The following TTK variants were observed in gnomAD, a reference collection of about 807,000 sequenced individuals.
TTK encodes the protein TTK protein kinase, also known as dual specificity protein kinase TTK.
Under a neutral mutation model 117.3 loss-of-function variants are expected in TTK, and 59 were observed. That is an observed-to-expected ratio of 0.50 (90% CI 0.41 to 0.62). The LOEUF (loss-of-function observed/expected upper bound fraction) is 0.62. Among genes scored for constraint, TTK ranks in the 20% least tolerant of loss-of-function variants. The pLI, the probability that TTK is intolerant of heterozygous loss-of-function variation, is 0.00. For missense variants in TTK, 921 were observed against 989.4 expected, an observed-to-expected ratio of 0.93 and a Z score of 0.93; for synonymous variants, 302 against 325.0, an observed-to-expected ratio of 0.93 and a Z score of 0.76.
intron 1 of TTK, 106 bp from the exon 2 acceptor site, chr6:80,005,736 G>A (rs1050787695): frequency 7.8e-7 from 1 of 1,275,400 alleles, no homozygotes; most frequent in Non-Finnish European, 1.1e-6. Flanking sequence ...ATTTAGATGT[G>A]TTCACAAAAC....
rs1766979220 is a variant in TTK at position 80,005,888 on chromosome 6, C to T, written c.45C>T (p.Ser15=). 6.2e-7 allele frequency: 1 copy of T among 1,612,504 alleles called. No homozygotes were observed. Among genetic ancestry groups the T allele is most frequent in the South Asian group, 1.1e-5 (1 of 90,788 alleles). The change falls in exon 2 of 22, where the codon TCC becomes TCT. Residue 15 remains serine (S), a synonymous_variant. Transcript: ENST00000369798. ...GTGGCAGAGAATTGACAATTGATTC[C>T]ATAATGAACAAAGTGAGAGACATTA... ...DLSGRELTID[S]IMNKVRDIKN...
At position 80,042,135 on chromosome 6, in the gene TTK, A is replaced by T. The variant is rs775882099; in HGVS notation, c.2507A>T (p.Tyr836Phe). 2 of 1,601,282 alleles carry T rather than the reference A, an allele frequency of 1.2e-6. No homozygotes were observed. Among genetic ancestry groups the T allele is most frequent in the South Asian group, 2.2e-5 (2 of 89,218 alleles). The change falls in exon 22 of 22, where the codon TAT becomes TTT. Residue 836 changes from tyrosine (Y) to phenylalanine (F), a missense_variant. Transcript: ENST00000369798. ...LKAAKTLYEH[Y>F]SGGESHNSSS... is the part of the protein sequence containing the mutation. ...TAATTTCAGACTTTATATGAACACT[A>T]TAGTGGTGGTGAAAGTCATAATTCT...
chr6:80,022,497 A>G (rs773583801), intron 11 of TTK, 25 bp downstream of exon 11: 4 of 1,604,610 alleles, frequency 2.5e-6, no homozygotes, highest in African/African-American at 2.7e-5. Context: ...AAAGTACAAT[A>G]TTGCTTTTTT....
Position 80,011,960 on chromosome 6 carries a change from T to C in TTK, c.876T>C (p.Val292=). The change falls in exon 8 of 22, where the codon GTT becomes GTC. Residue 292 remains valine (V), a synonymous_variant. Transcript: ENST00000369798. The part of the protein sequence containing the change: ...PDCDVKTDDS[V]VPCFMKRQTS... ...GTGATGTGAAGACAGATGATTCAGTTGTACCTTGTTTTATGAAAAGGTATG... is the reference window on the plus strand; with the variant it reads ...GTGATGTGAAGACAGATGATTCAGTCGTACCTTGTTTTATGAAAAGGTATG... 1 of 1,609,602 alleles carries C rather than the reference T, an allele frequency of 6.2e-7. No homozygotes were observed. The highest frequency in any genetic ancestry group is 8.5e-7 in the Non-Finnish European group (1 of 1,178,472).
At chr6:80,030,964 G>A (rs1382975194) in intron 13 of TTK, among the ~76,000 whole-genome samples, 1 of 151,292 alleles carries the variant, frequency 6.6e-6, no homozygotes, top group African/African-American at 2.4e-5. Context: ...AGAATCGCTT[G>A]ATCCTGGGAG....
chr6:80,006,333 C>G (rs1766993917), intron 2 of TTK, among the ~76,000 whole-genome samples: 1 of 152,132 alleles, frequency 6.6e-6, no homozygotes, highest in Non-Finnish European at 1.5e-5. Flanking sequence ...GGATAATTTT[C>G]TTACATCTAT....
In TTK at chr6:80,016,781, G is replaced by A. The variant is rs1407738896; in HGVS notation, c.1108+2195G>A. Among the ~76,000 whole-genome samples, 5 of 152,122 alleles carry A rather than the reference G, an allele frequency of 3.3e-5. No individual in the cohort carries two copies. The East Asian group carries it at 7.7e-4, about 23-fold the overall frequency. Reference sequence around the variant, plus strand: ...CATGTGCTCTACCCATCACCTGGGCGGGTTCAGTTCAGAAGTATTTCTTTC... The same window carrying A: ...CATGTGCTCTACCCATCACCTGGGCAGGTTCAGTTCAGAAGTATTTCTTTC... On this transcript the variant is annotated intron_variant, in intron 10 of 21. Transcript: ENST00000369798.
At chr6:80,011,094 G>A in intron 5 of TTK, 137 bp downstream of exon 5, 1 of 1,153,804 alleles carries the variant, frequency 8.7e-7, no homozygotes. Flanking sequence ...AGGTAAGACT[G>A]AGAAGTAAAA....
intron 10 of TTK, among the ~76,000 whole-genome samples, chr6:80,017,023 C>T (rs1023588478): frequency 6.6e-6 from 1 of 152,214 alleles, no homozygotes; most frequent in Non-Finnish European, 1.5e-5. Context: ...ATCCTGCCAT[C>T]AGGCAAGATA....
intron 18 of TTK, among the ~76,000 whole-genome samples, chr6:80,038,309 G>A (rs1476234555): frequency 6.6e-6 from 1 of 151,938 alleles, no homozygotes; most frequent in Non-Finnish European, 1.5e-5. Flanking sequence ...ACTTTATCTC[G>A]CTACCTCGAT....
Position 80,038,010 on chromosome 6 carries a change from T to G in TTK, c.2093T>G (p.Met698Arg), listed in dbSNP as rs776568921. The G allele has an allele frequency of 6.2e-7, 1 of 1,610,654 alleles. No individual in the cohort carries two copies. The highest frequency in any genetic ancestry group is 1.7e-5 in the Admixed American group (1 of 59,732). The change falls in exon 18 of 22, where the codon ATG becomes AGG. Residue 698 changes from methionine to arginine, a missense_variant. Met to Arg is a moderately conservative substitution (Grantham distance 91). Coordinates refer to ENST00000369798, the MANE Select transcript of TTK (RefSeq NM_003318.5). ...NYMPPEAIKD[M>R]SSSRENGKSK... The stretch of plus-strand genomic sequence containing the variant: ...ATGCCACCAGAAGCAATCAAAGATA[T>G]GTCTTCCTCCAGAGAGAATGGGAAA...
At chr6:80,036,984 G>T (rs1320967364) in intron 17 of TTK, among the ~76,000 whole-genome samples, 2 of 152,014 alleles carry the variant, frequency 1.3e-5, no homozygotes, top group African/African-American at 4.8e-5. Context: ...TATTCTTCTA[G>T]AGAAGCCGAC....
intron 4 of TTK, among the ~76,000 whole-genome samples, chr6:80,008,929 C>CTGTGTGTGTGTGTGTGTGTGTGTGTG (rs3049166): frequency 7.0e-5 from 10 of 142,298 alleles, no homozygotes; most frequent in Non-Finnish European, 1.2e-4. Context: ...AACTATATAT[C>CTGTGTGTGTGTGTGTGTGTGTGTGTG]TGTGTGTGTG....
chr6:80,011,490 A>G lies in TTK; in HGVS notation c.670A>G (p.Asn224Asp). ...TTCCGGTTCACTTGGGCATTTACAG[A>G]ATAGGAACAACAGTTGTGATTCCAG... ...SFSGSLGHLQ[N>D]RNNSCDSRGQ... The change falls in exon 6 of 22, where the codon AAT (asparagine) becomes GAT (aspartate). Residue 224 changes from asparagine to aspartate, a missense_variant. Asn to Asp is a conservative substitution (Grantham distance 23). Transcript: ENST00000369798. 3 of 1,610,206 alleles carry G rather than the reference A, an allele frequency of 1.9e-6. No homozygotes were observed. The highest frequency in any genetic ancestry group is 2.5e-6 in the Non-Finnish European group (3 of 1,178,464).
intron 10 of TTK, among the ~76,000 whole-genome samples, chr6:80,016,966 T>G (rs1012236364): frequency 2.0e-5 from 3 of 152,222 alleles, no homozygotes; most frequent in African/African-American, 4.8e-5. Flanking sequence ...CTGCTAGTGC[T>G]TTCTGGGCCA....
At chr6:80,020,211 G>A (rs1333224378) in intron 10 of TTK, among the ~76,000 whole-genome samples, 1 of 152,172 alleles carries the variant, frequency 6.6e-6, no homozygotes. Context: ...TGTTCACATG[G>A]CTAAACCTTG....
At chr6:80,030,734 C>T (rs1037183728) in intron 13 of TTK, among the ~76,000 whole-genome samples, 2 of 152,174 alleles carry the variant, frequency 1.3e-5, no homozygotes, top group African/African-American at 4.8e-5. Flanking sequence ...CAGGCCCCGC[C>T]TCCAACATTG....
At chr6:80,010,494 C>G (rs1261033912) in intron 4 of TTK, among the ~76,000 whole-genome samples, 1 of 150,018 alleles carries the variant, frequency 6.7e-6, no homozygotes, top group Non-Finnish European at 1.5e-5. Flanking sequence ...CTTTGCTGTC[C>G]CCTGTTGGTA....
chr6:80,039,489 A>G (rs17254389), intron 18 of TTK, among the ~76,000 whole-genome samples: 18,596 of 151,882 alleles, frequency 0.12, 1,432 homozygotes, highest in South Asian at 0.17. Context: ...GAGGTTATAG[A>G]AAGATTTAAA....
Sources: gnomAD v4.1 joint callset for allele counts (sites outside exome capture counted in the v4.1 genomes callset) on GRCh38, gnomAD v4.1.1 for gene constraint, MANE v1.5 for transcripts, NCBI Gene and HGNC (gene_info 2026-07-23, HGNC 2026-07-21) for gene names.